Variants in CLTCL1 observed in about 807,000 individuals in gnomAD.
CLTCL1 encodes the protein clathrin heavy chain like 1.
A neutral mutation model predicts 190.0 loss-of-function variants in CLTCL1; 159 were observed. The observed-to-expected ratio is 0.84, with a 90% CI of 0.74 to 0.95. The LOEUF is 0.95. Ranked by LOEUF, CLTCL1 falls within the 40% of genes least tolerant of loss-of-function variation. The probability of loss-of-function intolerance (pLI) is 0.00; values close to 1 mark genes in which losing one functional copy is unlikely to be tolerated. For synonymous variants in CLTCL1, 752 were observed against 769.6 expected (o/e 0.98, Z 0.38); for missense variants, 1,878 against 2,033.4 (o/e 0.92, Z 1.47).
chr22:19,240,835 A>G (rs2086231324), intron 4 of CLTCL1, among the ~76,000 whole-genome samples: 1 of 152,242 alleles, frequency 6.6e-6, no homozygotes, highest in Non-Finnish European at 1.5e-5. Context: ...TGACACTGCC[A>G]GCAGGAGCAG....
intron 18 of CLTCL1, among the ~76,000 whole-genome samples, chr22:19,218,310 A>G (rs543453174): frequency 2.0e-5 from 3 of 152,312 alleles, no homozygotes; most frequent in Non-Finnish European, 4.4e-5. Flanking sequence ...GGGAACCTGG[A>G]TGTAGAACCC....
At chr22:19,207,596 CG>C in intron 22 of CLTCL1, 1 of 405,156 alleles carries the variant, frequency 2.5e-6, no homozygotes, top group East Asian at 3.5e-5. Context: ...TGCCACGGAC[CG>C]CTGCTGGTCT....
At chr22:19,273,137 A>G (rs2087380735) in intron 2 of CLTCL1, among the ~76,000 whole-genome samples, 1 of 152,166 alleles carries the variant, frequency 6.6e-6, no homozygotes, top group Admixed American at 6.5e-5. Flanking sequence ...CTCACTTACA[A>G]ATCAATCATC....
At position 19,198,807 on chromosome 22, in the gene CLTCL1, T is replaced by C. The variant is rs146437757; in HGVS notation, c.3873+927A>G. Among the ~76,000 whole-genome samples the C allele has an allele frequency of 1.3e-5, 2 of 152,360 alleles. No individual in the cohort carries two copies. The highest frequency in any genetic ancestry group is 1.9e-4 in the East Asian group (1 of 5,190). On this transcript the variant is annotated intron_variant, in intron 24 of 32. Transcript: ENST00000427926. This position sits in a 1 kb window ranked among gnomAD's most constrained non-coding sequence, Gnocchi z 4.1. ...CTTGCTGAATGCCAGTTCAATTAAA[T>C]AGAGGCTTTTCTGTTTTGTTCACTG...
intron 28 of CLTCL1, 25 bp downstream of exon 28, chr22:19,187,956 A>C: frequency 6.3e-7 from 1 of 1,592,774 alleles, no homozygotes; most frequent in Non-Finnish European, 8.6e-7. Context: ...CCCACCCAGG[A>C]CAGGGCTCCT....
intron 13 of CLTCL1, 106 bp downstream of exon 13, chr22:19,225,347 G>T: frequency 1.6e-6 from 2 of 1,229,618 alleles, no homozygotes; most frequent in Non-Finnish European, 2.2e-6. Context: ...GCTGCATCCT[G>T]CCTGGCTTTG....
intron 22 of CLTCL1, 115 bp downstream of exon 22, chr22:19,208,039 T>G (rs548709782): frequency 7.8e-7 from 1 of 1,274,146 alleles, no homozygotes; most frequent in East Asian, 2.4e-5. Flanking sequence ...GTGGAAAAAC[T>G]GTCTTCGATG....
chr22:19,188,604 ATTTC>A (rs1394244592), intron 27 of CLTCL1, among the ~76,000 whole-genome samples: 2 of 148,152 alleles, frequency 1.3e-5, no homozygotes, highest in Admixed American at 6.8e-5. Context: ...GGCTGTGGCA[ATTTC>A]TTTTTCTTTT....
chr22:19,222,384 C>G (rs1163490544), intron 15 of CLTCL1, among the ~76,000 whole-genome samples: 1 of 152,124 alleles, frequency 6.6e-6, no homozygotes, highest in Admixed American at 6.5e-5. Context: ...GAGGAAAGGC[C>G]CTGTGAGGGC....
At chr22:19,257,972 G>T in intron 2 of CLTCL1, 1 of 672,076 alleles carries the variant, frequency 1.5e-6, no homozygotes, top group Non-Finnish European at 2.5e-6. Context: ...TGCCTTCATC[G>T]TTCTGCACAC....
At chr22:19,188,285 C>T (rs782376682) in intron 27 of CLTCL1, among the ~76,000 whole-genome samples, 194 bp from the exon 28 acceptor site, 11 of 152,166 alleles carry the variant, frequency 7.2e-5, no homozygotes, top group Non-Finnish European at 1.3e-4. Context: ...CAGTGGATGC[C>T]AATGTCACCA....
intron 24 of CLTCL1, 23 bp from the exon 25 acceptor site, chr22:19,196,679 T>C (rs1213134778): frequency 1.3e-6 from 2 of 1,599,608 alleles, no homozygotes; most frequent in African/African-American, 2.7e-5. Flanking sequence ...CAGCCACGCG[T>C]GGGGCAGAGT....
At chr22:19,192,887 G>A (rs557115896) in intron 26 of CLTCL1, among the ~76,000 whole-genome samples, 1 of 152,320 alleles carries the variant, frequency 6.6e-6, no homozygotes, top group African/African-American at 2.4e-5. Flanking sequence ...CACTCCTATT[G>A]GAGCTCTAGC....
At position 19,235,773 on chromosome 22, in the gene CLTCL1, T is replaced by C. The variant is rs1555961740; in HGVS notation, c.892A>G (p.Ile298Val). ...GTGACAAATATTGTGTCAGCACTAA[T>C]ACGGTTCATGCAGATGCACACGCCA... is the stretch of plus-strand genomic sequence containing the variant. ...ESGVCICMNR[I>V]SADTIFVTAP... is the part of the protein sequence containing the mutation. Residue 298 changes from isoleucine to valine, a missense_variant, in exon 6 of 33, where the codon ATT (isoleucine) becomes GTT (valine). Transcript: ENST00000427926. 1.2e-6 allele frequency: 2 copies of C among 1,614,008 alleles called. No individual in the cohort carries two copies. The highest frequency in any genetic ancestry group is 8.5e-7 in the Non-Finnish European group (1 of 1,179,890).
At chr22:19,284,284 C>T (rs1196485435) in intron 1 of CLTCL1, among the ~76,000 whole-genome samples, 2 of 152,174 alleles carry the variant, frequency 1.3e-5, no homozygotes, top group African/African-American at 4.8e-5. Flanking sequence ...TATCCTTGTG[C>T]CTAGCATATG....
chr22:19,289,171 C>T (rs571610664), intron 1 of CLTCL1, among the ~76,000 whole-genome samples: 4 of 152,200 alleles, frequency 2.6e-5, no homozygotes, highest in South Asian at 4.1e-4. Flanking sequence ...TTAGTAGAGA[C>T]GAGGTTTCAC....
At chr22:19,276,820 C>G (rs371002356) in intron 1 of CLTCL1, among the ~76,000 whole-genome samples, 2 of 152,146 alleles carry the variant, frequency 1.3e-5, no homozygotes, top group South Asian at 4.1e-4. Context: ...CAGGCGCCCG[C>G]CACCACGCCT....
At chr22:19,187,342 A>G (rs1209664965) in intron 29 of CLTCL1, among the ~76,000 whole-genome samples, 1 of 129,924 alleles carries the variant, frequency 7.7e-6, no homozygotes, top group Non-Finnish European at 1.6e-5. Flanking sequence ...CTTTCAATCC[A>G]AACAGTTTTT....
chr22:19,284,327 TTTCAGGGCAGTAAAATTTAG>T (rs2087826467), intron 1 of CLTCL1, among the ~76,000 whole-genome samples: 1 of 152,208 alleles, frequency 6.6e-6, no homozygotes, highest in Non-Finnish European at 1.5e-5. Context: ...AAATTACTTG[TTTCAGGGCAGTAAAATTTAG>T]TTCATCTACA....
Sources: gnomAD v4.1 joint callset for allele counts (sites outside exome capture counted in the v4.1 genomes callset) on GRCh38, gnomAD v4.1.1 for gene constraint, Gnocchi (gnomAD v3.1) non-coding constraint, MANE v1.5 for transcripts, NCBI Gene and HGNC (gene_info 2026-07-23, HGNC 2026-07-21) for gene names.